The following DGKD variants were observed in gnomAD, a reference collection of about 807,000 sequenced individuals.
The protein encoded by DGKD is diacylglycerol kinase delta.
In DGKD, 68 loss-of-function variants were observed where a neutral mutation model predicts 154.4. The observed-to-expected ratio is 0.44, with a 90% CI of 0.36 to 0.54. DGKD has a LOEUF of 0.54. Among genes scored for constraint, DGKD ranks in the 20% least tolerant of loss-of-function variants. The pLI is 0.00. For missense variants in DGKD, 1,343 were observed against 1,593.6 expected (o/e 0.84, Z 2.68); for synonymous variants, 693 against 638.0 (o/e 1.09, Z -1.30).
intron 5 of DGKD, among the ~76,000 whole-genome samples, chr2:233,435,156 A>G (rs1414121040): frequency 6.6e-6 from 1 of 152,222 alleles, no homozygotes; most frequent in Non-Finnish European, 1.5e-5. Context: ...AATCTAGAGC[A>G]CACAGAGGGA....
rs770323257 is a variant in DGKD at position 233,398,538 on chromosome 2, T to G, written c.348+8055T>G. Among the ~76,000 whole-genome samples, 11 of 152,320 alleles carry G rather than the reference T, an allele frequency of 7.2e-5. No homozygotes were observed. In the East Asian group the frequency reaches 7.7e-4, roughly 11 times the overall value. On this transcript the variant is annotated intron_variant, in intron 3 of 29. Transcript: ENST00000264057. ...TTGATCTTCTCCATTTTCTCTTGGG[T>G]TTTCACATGTTTTCATTGACTTAGG... is the stretch of plus-strand genomic sequence containing the variant.
At chr2:233,377,612 T>G (rs1273024551) in intron 1 of DGKD, among the ~76,000 whole-genome samples, 1 of 152,088 alleles carries the variant, frequency 6.6e-6, no homozygotes, top group Non-Finnish European at 1.5e-5. Context: ...TTGTACAAAC[T>G]TTTTTTTCTA....
chr2:233,402,119 C>A (rs1319608996), intron 3 of DGKD, among the ~76,000 whole-genome samples: 1 of 151,880 alleles, frequency 6.6e-6, no homozygotes, highest in Non-Finnish European at 1.5e-5. Flanking sequence ...GGGTCTGTTT[C>A]CCCAAATTCT....
At chr2:233,462,198 G>T in intron 24 of DGKD, 150 bp from the exon 25 acceptor site, 6 of 588,912 alleles carry the variant, frequency 1.0e-5, no homozygotes, top group Non-Finnish European at 1.8e-5. Flanking sequence ...CTGAACGGTC[G>T]CTGGGCTGAG....
At chr2:233,375,499 G>C (rs1052670811) in intron 1 of DGKD, among the ~76,000 whole-genome samples, 6 of 152,108 alleles carry the variant, frequency 3.9e-5, no homozygotes, top group Non-Finnish European at 8.8e-5. Context: ...GAAGCAGCTG[G>C]TTGAGCACAT....
chr2:233,468,092 C>G (rs944254951), intron 28 of DGKD, among the ~76,000 whole-genome samples: 1 of 152,042 alleles, frequency 6.6e-6, no homozygotes, highest in African/African-American at 2.4e-5. Flanking sequence ...GATGCCAGCT[C>G]TGCTGCAGCC....
chr2:233,437,619 A>G, intron 8 of DGKD, 140 bp downstream of exon 8: 1 of 850,462 alleles, frequency 1.2e-6, no homozygotes, highest in Non-Finnish European at 1.9e-6. Flanking sequence ...GGGGTGCTGG[A>G]GGAGTTGCAC....
At chr2:233,451,403 G>T (rs776156105) in intron 17 of DGKD, among the ~76,000 whole-genome samples, 1 of 152,074 alleles carries the variant, frequency 6.6e-6, no homozygotes, top group Non-Finnish European at 1.5e-5. Context: ...TGCTTCTAGC[G>T]TGGTCGCAGG....
chr2:233,366,605 C>T (rs369714370), intron 1 of DGKD, among the ~76,000 whole-genome samples: 2 of 152,152 alleles, frequency 1.3e-5, no homozygotes, highest in Non-Finnish European at 1.5e-5. Context: ...TGCCAATGAA[C>T]GACATAGATT....
intron 10 of DGKD, among the ~76,000 whole-genome samples, chr2:233,444,056 C>T (rs887286810): frequency 6.6e-6 from 1 of 152,154 alleles, no homozygotes; most frequent in African/African-American, 2.4e-5. Context: ...CAGCGACTTG[C>T]AGGGCTTCTG....
rs1482240381 is a variant in DGKD, at chr2:233,458,536, G to GT, written c.2694+140dup. On this transcript the variant is annotated intron_variant, in intron 22 of 29. Coordinates refer to ENST00000264057, the MANE Select transcript of DGKD (RefSeq NM_152879.3). This position sits in a 1 kb window ranked among gnomAD's most constrained non-coding sequence, Gnocchi z 6.6. ...CCTCATGTCCTGTCCTGGACAGCTCGTGGCCCCACTTCCTGGGCCAGAGCC... is the reference window on the plus strand; with the variant it reads ...CCTCATGTCCTGTCCTGGACAGCTCGTTGGCCCCACTTCCTGGGCCAGAGCC... The GT allele has an allele frequency of 1.9e-6, 1 of 534,490 alleles. No individual in the cohort carries two copies. Among genetic ancestry groups the GT allele is most frequent in the Non-Finnish European group, 3.3e-6 (1 of 301,910 alleles). The allele number at this position is 534,490 out of a possible 1,614,324, so 33.1% of individuals were successfully genotyped here.
intron 3 of DGKD, among the ~76,000 whole-genome samples, chr2:233,422,332 C>T (rs1474244679): frequency 6.6e-6 from 1 of 152,228 alleles, no homozygotes; most frequent in Non-Finnish European, 1.5e-5. Context: ...CTTCCATTTC[C>T]AGGGCCCTGC....
intron 3 of DGKD, among the ~76,000 whole-genome samples, chr2:233,433,531 G>A (rs1298709289): frequency 6.6e-6 from 1 of 152,058 alleles, no homozygotes; most frequent in Non-Finnish European, 1.5e-5. Context: ...TAGCACAACG[G>A]GGTGACAACA....
intron 3 of DGKD, among the ~76,000 whole-genome samples, chr2:233,418,311 T>C (rs1174183597): frequency 3.3e-5 from 5 of 152,180 alleles, no homozygotes; most frequent in Non-Finnish European, 4.4e-5. Context: ...CAGCTCTACA[T>C]CTGGGGTGCC....
chr2:233,417,859 C>T (rs2061997200), intron 3 of DGKD, among the ~76,000 whole-genome samples: 1 of 152,154 alleles, frequency 6.6e-6, no homozygotes, highest in East Asian at 1.9e-4. Flanking sequence ...GGGGTACGTG[C>T]TGCTGACACC....
intron 1 of DGKD, among the ~76,000 whole-genome samples, chr2:233,362,195 C>T (rs1258357366): frequency 6.6e-6 from 1 of 152,012 alleles, no homozygotes; most frequent in African/African-American, 2.4e-5. Context: ...TTGTGTGAAC[C>T]AGAAGATAGC....
At chr2:233,370,928 T>G (rs1702289256) in intron 1 of DGKD, among the ~76,000 whole-genome samples, 1 of 151,992 alleles carries the variant, frequency 6.6e-6, no homozygotes, top group South Asian at 2.1e-4. Flanking sequence ...ATTTTTTAAT[T>G]TTTTGTAGAG....
intron 3 of DGKD, among the ~76,000 whole-genome samples, chr2:233,404,359 G>A (rs1254896275): frequency 2.0e-5 from 3 of 152,198 alleles, no homozygotes; most frequent in African/African-American, 7.2e-5. Context: ...GATCACAGGA[G>A]GGACATTTAG....
intron 12 of DGKD, among the ~76,000 whole-genome samples, chr2:233,447,192 GC>G (rs36037733): frequency 0.69 from 105,033 of 151,538 alleles, 37,442 homozygotes; most frequent in African/African-American, 0.88. Flanking sequence ...CTCTCCCCTA[GC>G]CCCCCGGCTC....
Sources: allele counts gnomAD v4.1 joint callset (sites outside exome capture counted in the v4.1 genomes callset), GRCh38; gene constraint gnomAD v4.1.1; non-coding constraint Gnocchi (gnomAD v3.1); transcripts MANE v1.5; gene names NCBI Gene and HGNC (gene_info 2026-07-23, HGNC 2026-07-21).